UNC50: variants seen among roughly 807,000 people sequenced by gnomAD.
The protein encoded by UNC50 is protein unc-50 homolog.
UNC50 carries 24 observed loss-of-function variants against 31.5 expected under a neutral mutation model. That is an observed-to-expected ratio of 0.76 (90% CI 0.55 to 1.07). UNC50 has a LOEUF of 1.07. UNC50 is among the 50% of genes least tolerant of loss of function. The pLI is 0.00. For missense variants in UNC50, 245 were observed against 304.2 expected (o/e 0.81, Z 1.45); for synonymous variants, 118 against 114.7 (o/e 1.03, Z -0.18).
chr2:98,608,793 C>A (rs988404347), intron 1 of UNC50, 67 bp downstream of exon 1: 5 of 296,482 alleles, frequency 1.7e-5, no homozygotes, highest in South Asian at 3.1e-5. Flanking sequence ...TTAATCCCGA[C>A]AGCTTGCGGC....
chr2:98,618,040 C>A, intron 5 of UNC50, 128 bp from the exon 6 acceptor site: 1 of 1,008,324 alleles, frequency 9.9e-7, no homozygotes, highest in Non-Finnish European at 1.4e-6. Context: ...ATAGCATCAT[C>A]TTACTGATTC....
intron 3 of UNC50, among the ~76,000 whole-genome samples, chr2:98,614,808 A>G (rs1299233154): frequency 6.6e-6 from 1 of 152,166 alleles, no homozygotes; most frequent in Non-Finnish European, 1.5e-5. Flanking sequence ...TTTGTTCAGT[A>G]TTGTTTTGGC....
chr2:98,609,732 A>C, intron 1 of UNC50, 24 bp from the exon 2 acceptor site: 1 of 1,613,766 alleles, frequency 6.2e-7, no homozygotes, highest in Non-Finnish European at 8.5e-7. Context: ...ATACGTGTAA[A>C]AGAAATGTTT....
chr2:98,610,471 A>G (rs1390768340), intron 2 of UNC50, among the ~76,000 whole-genome samples: 1 of 152,200 alleles, frequency 6.6e-6, no homozygotes, highest in Admixed American at 6.5e-5. Context: ...AGTGGGTAAG[A>G]TATTGAAGTT....
chr2:98,614,737 C>A (rs777845368), intron 3 of UNC50, among the ~76,000 whole-genome samples: 5 of 152,150 alleles, frequency 3.3e-5, no homozygotes, highest in African/African-American at 1.2e-4. Context: ...CATACTGATT[C>A]CATAAAATTT....
At position 98,610,000 on chromosome 2, in the gene UNC50, G is replaced by T; in HGVS notation, c.241G>T (p.Asp81Tyr). Residue 81 changes from aspartate (D) to tyrosine (Y), a missense_variant, in exon 2 of 6, where the codon GAC becomes TAC. Transcript: ENST00000357765. The stretch of plus-strand genomic sequence containing the variant: ...GACGAAGGACCAGTGGGCCAGAGAT[G>T]ACCCTGCTTTCTTGGTCCTGTTAAG... The part of the protein sequence containing the change: ...KQTKDQWARD[D>Y]PAFLVLLSIW... 4 of 1,614,192 alleles carry T rather than the reference G, an allele frequency of 2.5e-6. No individual in the cohort carries two copies. Among genetic ancestry groups the T allele is most frequent in the Non-Finnish European group, 3.4e-6 (4 of 1,180,014 alleles).
rs772135068 is a variant in UNC50, at chr2:98,616,531, G to A, written c.641G>A (p.Ser214Asn). ...YYIYVTFLGYSALPFLKNTVI... is the reference protein window; with the variant it reads ...YYIYVTFLGYNALPFLKNTVI... ...ATCTATGTAACTTTCCTGGGATACA[G>A]TGGTAAGTAATTTTTTTAAATGTTT... Residue 214 changes from serine (S) to asparagine (N), a missense_variant and splice_region_variant, in exon 5 of 6, where the codon AGT (serine) becomes AAT (asparagine). Physicochemically the swap from Ser to Asn is conservative, Grantham distance 46 (BLOSUM62 1). Coordinates refer to ENST00000357765, the MANE Select transcript of UNC50 (RefSeq NM_014044.7). The A allele has an allele frequency of 2.5e-6, 4 of 1,611,070 alleles. No homozygotes were observed. Among genetic ancestry groups the A allele is most frequent in the Non-Finnish European group, 3.4e-6 (4 of 1,177,910 alleles).
chr2:98,615,127 A>G (rs1436616409), intron 3 of UNC50, among the ~76,000 whole-genome samples: 1 of 152,126 alleles, frequency 6.6e-6, no homozygotes, highest in Non-Finnish European at 1.5e-5. Flanking sequence ...TGGATGCGTC[A>G]CTCTTCCTAA....
chr2:98,608,887 G>A, intron 1 of UNC50, 161 bp downstream of exon 1: 1 of 249,542 alleles, frequency 4.0e-6, no homozygotes, highest in Non-Finnish European at 8.0e-6. Context: ...ATGAAAGGAC[G>A]CCCAGTTACA....
chr2:98,613,232 A>G (rs1310729146), intron 3 of UNC50, among the ~76,000 whole-genome samples: 1 of 152,218 alleles, frequency 6.6e-6, no homozygotes, highest in Non-Finnish European at 1.5e-5. Context: ...TTACCAAGAA[A>G]TTCATGAAAA....
intron 3 of UNC50, among the ~76,000 whole-genome samples, chr2:98,614,514 AG>A: frequency 6.6e-6 from 1 of 152,310 alleles, no homozygotes; most frequent in Middle Eastern, 3.4e-3. Context: ...TAGAGGCAAG[AG>A]TCTGGGCCAT....
chr2:98,615,670 T>C (rs914195299), intron 3 of UNC50, among the ~76,000 whole-genome samples: 4 of 152,204 alleles, frequency 2.6e-5, no homozygotes, highest in Non-Finnish European at 5.9e-5. Flanking sequence ...GAGTCTGTTC[T>C]CAGATCCGCC....
Position 98,618,322 on chromosome 2 carries a change from C to G in UNC50, c.*18C>G, listed in dbSNP as rs781288384. 6.3e-7 allele frequency: 1 copy of G among 1,587,846 alleles called. No individual in the cohort carries two copies. The highest frequency in any genetic ancestry group is 1.2e-5 in the South Asian group (1 of 85,750). On this transcript the variant is annotated 3_prime_UTR_variant, in exon 6 of 6. Transcript: ENST00000357765. Reference sequence around the variant, plus strand: ...TGAAATAAAAAGTGAGAAGAAGATTCAATCGTAACTGTGTCAACAGTATTG... The same window carrying G: ...TGAAATAAAAAGTGAGAAGAAGATTGAATCGTAACTGTGTCAACAGTATTG...
intron 3 of UNC50, among the ~76,000 whole-genome samples, 157 bp downstream of exon 3, chr2:98,611,052 T>G (rs1299340925): frequency 6.6e-6 from 1 of 152,266 alleles, no homozygotes; most frequent in Non-Finnish European, 1.5e-5. Context: ...CCTCCTGTGT[T>G]GCCACCTATA....
At position 98,612,169 on chromosome 2, in the gene UNC50, C is replaced by T. The variant is rs370198182; in HGVS notation, c.401+1274C>T. 3.3e-5 allele frequency among the ~76,000 whole-genome samples: 5 copies of T among 152,144 alleles called. No individual in the cohort carries two copies. In the East Asian group the frequency reaches 7.7e-4, roughly 23 times the overall value. Reference sequence around the variant, plus strand: ...AGTAGAGGACCAGTGGTTGGGTAGACATGGTGGTCATTGTGGAGAACATTT... The same window carrying T: ...AGTAGAGGACCAGTGGTTGGGTAGATATGGTGGTCATTGTGGAGAACATTT... On this transcript the variant is annotated intron_variant, in intron 3 of 5. Coordinates refer to ENST00000357765, the MANE Select transcript of UNC50 (RefSeq NM_014044.7).
At chr2:98,614,292 C>T (rs933659596) in intron 3 of UNC50, among the ~76,000 whole-genome samples, 8 of 151,976 alleles carry the variant, frequency 5.3e-5, no homozygotes, top group South Asian at 2.1e-4. Context: ...GAGATGGATT[C>T]GAGAGCTTCC....
intron 3 of UNC50, among the ~76,000 whole-genome samples, chr2:98,614,526 G>C (rs1700889361): frequency 6.6e-6 from 1 of 152,184 alleles, no homozygotes; most frequent in Non-Finnish European, 1.5e-5. Flanking sequence ...TCTGGGCCAT[G>C]ATGAGCCTCT....
intron 2 of UNC50, among the ~76,000 whole-genome samples, 183 bp downstream of exon 2, chr2:98,610,222 C>T (rs1700802613): frequency 6.6e-6 from 1 of 152,090 alleles, no homozygotes; most frequent in Admixed American, 6.5e-5. Flanking sequence ...CAAGCAGATG[C>T]CAGAGTAAAC....
In UNC50 at chr2:98,610,005, T is replaced by C. The variant is rs1192938911; in HGVS notation, c.246T>C (p.Pro82=). 2 of 1,614,096 alleles carry C rather than the reference T, an allele frequency of 1.2e-6. No individual in the cohort carries two copies. The highest frequency in any genetic ancestry group is 1.7e-6 in the Non-Finnish European group (2 of 1,180,006). The part of the protein sequence containing the change: ...QTKDQWARDD[P]AFLVLLSIWL... The stretch of plus-strand genomic sequence containing the variant: ...AGGACCAGTGGGCCAGAGATGACCC[T>C]GCTTTCTTGGTCCTGTTAAGTATCT... Residue 82 remains proline, a synonymous_variant, in exon 2 of 6, where the codon CCT becomes CCC. Transcript: ENST00000357765.
Sources: allele counts gnomAD v4.1 joint callset (sites outside exome capture counted in the v4.1 genomes callset), GRCh38; gene constraint gnomAD v4.1.1; transcripts MANE v1.5; gene names NCBI Gene and HGNC (gene_info 2026-07-23, HGNC 2026-07-21).